The following MSRA variants were observed in gnomAD, a reference collection of about 807,000 sequenced individuals.
MSRA encodes the protein mitochondrial peptide methionine sulfoxide reductase.
Under a neutral mutation model 31.3 loss-of-function variants are expected in MSRA, and 54 were observed. The observed-to-expected ratio is 1.73, with a 90% CI of 1.39 to 2.17. MSRA has a LOEUF of 2.17. Ranked by LOEUF, MSRA falls within the 30% of genes most tolerant of loss-of-function variation. The probability of loss-of-function intolerance (pLI) is 0.00; values close to 1 mark genes in which losing one functional copy is unlikely to be tolerated. For synonymous variants in MSRA, 169 were observed against 116.5 expected, an observed-to-expected ratio of 1.45 and a Z score of -2.90; for missense variants, 507 against 300.9, an observed-to-expected ratio of 1.69 and a Z score of -5.07.
intron 1 of MSRA, among the ~76,000 whole-genome samples, chr8:10,161,197 G>A (rs974991278): frequency 2.6e-5 from 4 of 152,108 alleles, no homozygotes; most frequent in African/African-American, 7.2e-5. Flanking sequence ...ATGAGGGGCT[G>A]CCCAGCAAGC....
chr8:10,071,896 C>T (rs551057738), intron 1 of MSRA, among the ~76,000 whole-genome samples: 1 of 152,098 alleles, frequency 6.6e-6, no homozygotes, highest in African/African-American at 2.4e-5. Context: ...GTCAGGTAGT[C>T]GAGGGAGCAA....
intron 5 of MSRA, among the ~76,000 whole-genome samples, chr8:10,332,768 A>T (rs969795094): frequency 6.6e-6 from 1 of 152,168 alleles, no homozygotes; most frequent in African/African-American, 2.4e-5. Context: ...AAATCTCTGT[A>T]TTACCCTTGG....
intron 1 of MSRA, among the ~76,000 whole-genome samples, chr8:10,156,938 G>C (rs1243747447): frequency 6.7e-6 from 1 of 149,910 alleles, no homozygotes; most frequent in Admixed American, 6.7e-5. Context: ...TGTCATTTAT[G>C]AAGACCTACT....
intron 1 of MSRA, among the ~76,000 whole-genome samples, chr8:10,070,494 G>C (rs1003478622): frequency 6.6e-6 from 1 of 152,154 alleles, no homozygotes; most frequent in African/African-American, 2.4e-5. Context: ...GTACTCTGTG[G>C]ATCTGTTGTA....
Position 10,337,579 on chromosome 8 carries a change from A to G in MSRA, c.543+17590A>G, listed in dbSNP as rs537606455. ...TATACATCAATCCATGTTCAAGCAGATTCCTCTCTGTCTCTGGAAGTTGGT... is the reference window on the plus strand; with the variant it reads ...TATACATCAATCCATGTTCAAGCAGGTTCCTCTCTGTCTCTGGAAGTTGGT... On this transcript the variant is annotated intron_variant, in intron 5 of 5. Coordinates refer to ENST00000317173, the MANE Select transcript of MSRA (RefSeq NM_012331.5). The G allele has an allele frequency of 2.2e-5, 14 of 637,774 alleles. No individual in the cohort carries two copies. In the Admixed American group the frequency reaches 3.1e-4, roughly 14 times the overall value. The allele number at this position is 637,774 out of a possible 1,614,324, so 39.5% of individuals were successfully genotyped here.
chr8:10,291,258 A>G (rs1368733108), intron 3 of MSRA, among the ~76,000 whole-genome samples: 1 of 152,230 alleles, frequency 6.6e-6, no homozygotes, highest in Non-Finnish European at 1.5e-5. Flanking sequence ...TATACAGCAG[A>G]GGATCATAAA....
At chr8:10,095,472 G>A (rs962071123) in intron 1 of MSRA, 4 of 985,264 alleles carry the variant, frequency 4.1e-6, no homozygotes, top group African/African-American at 1.7e-5. Context: ...GACATCTTTT[G>A]GAGACAAGAA....
At chr8:10,284,367 AT>A (rs1799821205) in intron 3 of MSRA, among the ~76,000 whole-genome samples, 2 of 151,114 alleles carry the variant, frequency 1.3e-5, no homozygotes, top group Admixed American at 6.6e-5. Flanking sequence ...TTTTTTTTGG[AT>A]TTTTACTAGA....
At chr8:10,249,688 G>A (rs1428796502) in intron 3 of MSRA, among the ~76,000 whole-genome samples, 1 of 152,106 alleles carries the variant, frequency 6.6e-6, no homozygotes, top group Non-Finnish European at 1.5e-5. Flanking sequence ...CATCTCTCAT[G>A]GCCAGCAGAC....
Position 10,417,236 on chromosome 8 carries a change from T to C in MSRA, c.544-10912T>C, listed in dbSNP as rs143593204. Among the ~76,000 whole-genome samples the C allele has an allele frequency of 4.6e-5, 7 of 152,258 alleles. No individual in the cohort carries two copies. The East Asian group carries it at 1.4e-3, about 29-fold the overall frequency. ...GCTCCGATGGGGGCTTGTAAAGGCT[T>C]CAGCCCCTTTGAACGCGCTCCTTGT... On this transcript the variant is annotated intron_variant, in intron 5 of 5. Coordinates refer to ENST00000317173, the MANE Select transcript of MSRA (RefSeq NM_012331.5).
intron 4 of MSRA, among the ~76,000 whole-genome samples, chr8:10,304,849 T>C (rs1171777789): frequency 2.0e-5 from 3 of 152,198 alleles, no homozygotes; most frequent in Admixed American, 2.0e-4. Flanking sequence ...TTGGATTTGG[T>C]GGTGATTCTG....
At chr8:10,367,772 G>T (rs1373571462) in intron 5 of MSRA, among the ~76,000 whole-genome samples, 1 of 152,252 alleles carries the variant, frequency 6.6e-6, no homozygotes, top group African/African-American at 2.4e-5. Context: ...CAGCACTGGA[G>T]CTAGTCTGAA....
At chr8:10,359,814 G>C (rs552286932) in intron 5 of MSRA, among the ~76,000 whole-genome samples, 1 of 152,166 alleles carries the variant, frequency 6.6e-6, no homozygotes, top group African/African-American at 2.4e-5. Context: ...GCCTTTTCTC[G>C]TGAACAGTGG....
chr8:10,234,553 A>G (rs981089446), intron 2 of MSRA, among the ~76,000 whole-genome samples: 1 of 152,134 alleles, frequency 6.6e-6, no homozygotes, highest in Non-Finnish European at 1.5e-5. Flanking sequence ...TTAAAGGAAG[A>G]GGATGGTAAG....
At chr8:10,370,920 A>T (rs189631627) in intron 5 of MSRA, among the ~76,000 whole-genome samples, 38 of 152,324 alleles carry the variant, frequency 2.5e-4, no homozygotes, top group African/African-American at 7.9e-4. Context: ...TTGTTCTGGG[A>T]CGTGCTGTCA....
chr8:10,256,356 C>T (rs947005916), intron 3 of MSRA, among the ~76,000 whole-genome samples: 2 of 152,196 alleles, frequency 1.3e-5, no homozygotes, highest in Admixed American at 1.3e-4. Flanking sequence ...CCCCAGTTTG[C>T]TTGTCTATTC....
chr8:10,176,046 G>T (rs1393111128), intron 1 of MSRA, among the ~76,000 whole-genome samples: 1 of 152,162 alleles, frequency 6.6e-6, no homozygotes, highest in Admixed American at 6.5e-5. Flanking sequence ...AAGTTGAATG[G>T]TAATTACTTA....
chr8:10,287,238 G>A (rs1471817214), intron 3 of MSRA, among the ~76,000 whole-genome samples: 1 of 152,164 alleles, frequency 6.6e-6, no homozygotes, highest in Non-Finnish European at 1.5e-5. Context: ...TGTTTATGGG[G>A]AGAAAGCATG....
At chr8:10,132,520 T>A (rs1801971258) in intron 1 of MSRA, among the ~76,000 whole-genome samples, 1 of 152,142 alleles carries the variant, frequency 6.6e-6, no homozygotes, top group African/African-American at 2.4e-5. Context: ...CTGGCAGACT[T>A]GGGAAGTCCA....
Sources: gnomAD v4.1 joint callset for allele counts (sites outside exome capture counted in the v4.1 genomes callset) on GRCh38, gnomAD v4.1.1 for gene constraint, MANE v1.5 for transcripts, NCBI Gene and HGNC (gene_info 2026-07-23, HGNC 2026-07-21) for gene names.